Variants in PTPRN2 observed in about 807,000 individuals in gnomAD.
PTPRN2 encodes protein tyrosine phosphatase receptor type N2, also known as receptor-type tyrosine-protein phosphatase N2.
A neutral mutation model predicts 118.8 loss-of-function variants in PTPRN2; 74 were observed. The observed-to-expected ratio is 0.62, with a 90% confidence interval of 0.52 to 0.76. The LOEUF is 0.76. PTPRN2 is among the 30% of genes least tolerant of loss of function. The probability of loss-of-function intolerance (pLI) is 0.00; values close to 1 mark genes in which losing one functional copy is unlikely to be tolerated. For missense variants in PTPRN2, 1,481 were observed against 1,394.4 expected, an observed-to-expected ratio of 1.06 and a Z score of -0.99; for synonymous variants, 641 against 608.0, an observed-to-expected ratio of 1.05 and a Z score of -0.80.
chr7:158,540,765 C>G (rs1825941116), intron 1 of PTPRN2, among the ~76,000 whole-genome samples: 1 of 152,236 alleles, frequency 6.6e-6, no homozygotes, highest in African/African-American at 2.4e-5. Flanking sequence ...ATTCCATGAG[C>G]TTTTCCTTCA....
At chr7:158,119,973 G>A (rs907554420) in intron 9 of PTPRN2, among the ~76,000 whole-genome samples, 6 of 152,194 alleles carry the variant, frequency 3.9e-5, no homozygotes, top group South Asian at 2.1e-4. Flanking sequence ...ATGGACAAAT[G>A]GAGGAGCAAA....
At chr7:158,017,788 C>T (rs187154852) in intron 11 of PTPRN2, among the ~76,000 whole-genome samples, 3 of 152,238 alleles carry the variant, frequency 2.0e-5, no homozygotes, top group African/African-American at 4.8e-5. Context: ...GGACTCTGCA[C>T]GGCTCCACAG....
At chr7:157,895,001 T>C (rs1422935411) in intron 12 of PTPRN2, among the ~76,000 whole-genome samples, 1 of 150,900 alleles carries the variant, frequency 6.6e-6, no homozygotes, top group Non-Finnish European at 1.5e-5. Flanking sequence ...CTGCTGAGGG[T>C]AAGCTCACAA....
intron 15 of PTPRN2, among the ~76,000 whole-genome samples, chr7:157,613,048 G>A (rs904862998): frequency 2.6e-5 from 4 of 152,298 alleles, no homozygotes; most frequent in East Asian, 1.9e-4. Context: ...CTGGGTGGCC[G>A]GAGGAGGAGG....
intron 4 of PTPRN2, among the ~76,000 whole-genome samples, chr7:158,195,510 T>G (rs1369723180): frequency 6.6e-6 from 1 of 152,212 alleles, no homozygotes; most frequent in Non-Finnish European, 1.5e-5. Context: ...GAAACAATTT[T>G]CCTCATTATT....
chr7:158,157,749 C>T (rs892743461), intron 6 of PTPRN2, among the ~76,000 whole-genome samples: 1 of 152,084 alleles, frequency 6.6e-6, no homozygotes, highest in Admixed American at 6.5e-5. Flanking sequence ...ACAGAGTGAC[C>T]CCCCCAGCAC....
intron 11 of PTPRN2, among the ~76,000 whole-genome samples, chr7:157,962,933 C>T (rs1380812874): frequency 5.9e-5 from 9 of 152,240 alleles, no homozygotes; most frequent in Non-Finnish European, 1.3e-4. Flanking sequence ...TGGTGAGGAA[C>T]ATGCCCTTAG....
At chr7:157,934,858 T>C (rs565686408) in intron 11 of PTPRN2, among the ~76,000 whole-genome samples, 1 of 152,334 alleles carries the variant, frequency 6.6e-6, no homozygotes, top group Non-Finnish European at 1.5e-5. Context: ...TGGCAGATTC[T>C]CTCGGGATGG....
intron 3 of PTPRN2, among the ~76,000 whole-genome samples, chr7:158,239,562 T>C (rs1407420417): frequency 1.3e-5 from 2 of 152,202 alleles, no homozygotes; most frequent in African/African-American, 4.8e-5. Context: ...GACGTGGCTT[T>C]GTCTGCATCC....
intron 4 of PTPRN2, among the ~76,000 whole-genome samples, chr7:158,194,186 G>A (rs1001623218): frequency 3.3e-5 from 5 of 152,202 alleles, no homozygotes; most frequent in East Asian, 1.9e-4. Context: ...GCGTGTGTGC[G>A]TTTGTCTGTG....
chr7:158,342,328 A>C (rs1586394065), intron 2 of PTPRN2, among the ~76,000 whole-genome samples: 2 of 128,012 alleles, frequency 1.6e-5, no homozygotes, highest in African/African-American at 6.3e-5. Context: ...CACTCTCACC[A>C]TAAGAGCTGA....
intron 3 of PTPRN2, among the ~76,000 whole-genome samples, chr7:158,275,684 G>T (rs1206726837): frequency 6.6e-6 from 1 of 152,202 alleles, no homozygotes; most frequent in African/African-American, 2.4e-5. Flanking sequence ...GAGAATCGAG[G>T]TACTACGTTA....
At chr7:158,329,123 C>G (rs528279653) in intron 2 of PTPRN2, among the ~76,000 whole-genome samples, 1 of 152,336 alleles carries the variant, frequency 6.6e-6, no homozygotes, top group East Asian at 1.9e-4. Flanking sequence ...CCGAGGGAGG[C>G]GCACGACAGA....
chr7:158,294,393 G>A (rs530635566), intron 3 of PTPRN2, among the ~76,000 whole-genome samples: 3 of 152,258 alleles, frequency 2.0e-5, no homozygotes, highest in African/African-American at 7.2e-5. Context: ...AGAGTTTGTT[G>A]TTTTCATGTC....
At chr7:157,635,638 T>C (rs913916977) in intron 14 of PTPRN2, among the ~76,000 whole-genome samples, 10 of 152,276 alleles carry the variant, frequency 6.6e-5, no homozygotes, top group African/African-American at 2.4e-4. Context: ...AGCTCTTTTC[T>C]CTGGCTAGCT....
intron 6 of PTPRN2, among the ~76,000 whole-genome samples, chr7:158,159,534 GA>G (rs1224348935): frequency 6.6e-6 from 1 of 152,254 alleles, no homozygotes; most frequent in Non-Finnish European, 1.5e-5. Context: ...CCAGGCTCTG[GA>G]GGGCGCAGAA....
intron 3 of PTPRN2, among the ~76,000 whole-genome samples, chr7:158,222,991 CAG>C (rs1286605089): frequency 6.6e-6 from 1 of 151,678 alleles, no homozygotes; most frequent in Non-Finnish European, 1.5e-5. Flanking sequence ...AGCAAAGAAA[CAG>C]GGGAAGTCAC....
At chr7:158,232,271 T>C (rs1357192036) in intron 3 of PTPRN2, among the ~76,000 whole-genome samples, 2 of 151,872 alleles carry the variant, frequency 1.3e-5, no homozygotes, top group African/African-American at 4.8e-5. Flanking sequence ...AAAAAGGAGA[T>C]GTAACAACTC....
chr7:157,707,197 G>A (rs74490345), intron 12 of PTPRN2, among the ~76,000 whole-genome samples: 27 of 151,400 alleles, frequency 1.8e-4, no homozygotes, highest in Admixed American at 1.3e-3. Flanking sequence ...CAGCATACAC[G>A]CACACACACA....
Sources: gnomAD v4.1 joint callset for allele counts (sites outside exome capture counted in the v4.1 genomes callset) on GRCh38, gnomAD v4.1.1 for gene constraint, MANE v1.5 for transcripts, NCBI Gene and HGNC (gene_info 2026-07-23, HGNC 2026-07-21) for gene names.